The following SEC31A variants were observed in gnomAD, a reference collection of about 807,000 sequenced individuals.
SEC31A encodes the protein protein transport protein Sec31A.
SEC31A carries 70 observed loss-of-function variants against 151.0 expected under a neutral mutation model. The ratio of observed to expected loss-of-function variants is 0.46; its 90% CI spans 0.38 to 0.57. The LOEUF is 0.57. Ranked by LOEUF, SEC31A falls within the 20% of genes least tolerant of loss-of-function variation. SEC31A has a pLI of 0.00. For missense variants in SEC31A, 1,330 were observed against 1,471.2 expected, an observed-to-expected ratio of 0.90 and a Z score of 1.57; for synonymous variants, 475 against 505.9, an observed-to-expected ratio of 0.94 and a Z score of 0.82.
intron 22 of SEC31A, among the ~76,000 whole-genome samples, chr4:82,830,729 C>G (rs1476094721): frequency 3.3e-5 from 5 of 152,152 alleles, no homozygotes; most frequent in African/African-American, 1.2e-4. Context: ...AAACAGACAG[C>G]CTTTATAACC....
intron 8 of SEC31A, among the ~76,000 whole-genome samples, chr4:82,868,519 T>TAAAA (rs35531037): frequency 9.1e-6 from 1 of 109,464 alleles, no homozygotes; most frequent in African/African-American, 2.6e-5. Flanking sequence ...TTAATAGTAC[T>TAAAA]AAAAAAAATA....
At chr4:82,890,059 C>G (rs568249574) in intron 1 of SEC31A, among the ~76,000 whole-genome samples, 3 of 152,160 alleles carry the variant, frequency 2.0e-5, no homozygotes, top group Admixed American at 2.0e-4. Flanking sequence ...GAAACCCCGT[C>G]TCTACTAAAA....
intron 22 of SEC31A, among the ~76,000 whole-genome samples, chr4:82,838,852 G>A (rs937845266): frequency 1.8e-4 from 28 of 152,280 alleles, no homozygotes; most frequent in Non-Finnish European, 3.7e-4. Flanking sequence ...ACATAATTTT[G>A]TTGTTCACTA....
intron 22 of SEC31A, among the ~76,000 whole-genome samples, chr4:82,840,849 G>T (rs138050719): frequency 6.6e-6 from 1 of 152,158 alleles, no homozygotes; most frequent in Non-Finnish European, 1.5e-5. Flanking sequence ...CCTGTATAGG[G>T]CACTCACCAC....
rs527353770 is a variant in SEC31A at position 82,842,828 on chromosome 4, C to T, written c.2627-347G>A. ...CAGATGGAACCAGGGAGGAATTACA[C>T]ATTCAAAGCACCCCACTTCACAGAA... On this transcript the variant is annotated intron_variant, in intron 21 of 26. Coordinates refer to ENST00000395310, the MANE Select transcript of SEC31A (RefSeq NM_001077207.4). The T allele has an allele frequency of 8.7e-5, 17 of 195,232 alleles. No homozygotes were observed. In the South Asian group the frequency reaches 1.4e-3, roughly 17 times the overall value. The allele number at this position is 195,232 out of a possible 1,614,324, so 12.1% of individuals were successfully genotyped here. A position where few individuals can be genotyped will look rare whatever the true frequency, so the allele number is the denominator to read the frequency against.
At chr4:82,866,643 A>T (rs983600191) in intron 10 of SEC31A, among the ~76,000 whole-genome samples, 165 bp downstream of exon 10, 2 of 152,240 alleles carry the variant, frequency 1.3e-5, no homozygotes, top group African/African-American at 4.8e-5. Context: ...AAAAAAGAGT[A>T]GGTTCCAATT....
intron 3 of SEC31A, among the ~76,000 whole-genome samples, chr4:82,879,745 A>G (rs750189465): frequency 6.6e-6 from 1 of 152,214 alleles, no homozygotes; most frequent in Admixed American, 6.5e-5. Context: ...ATATTGAGGC[A>G]ATAAAGCTTA....
rs759539725 is a variant in SEC31A at position 82,819,241 on chromosome 4, T to C, written c.3496A>G (p.Ile1166Val). Residue 1166 changes from isoleucine to valine, a missense_variant, in exon 27 of 27, where the codon ATC (isoleucine) becomes GTC (valine). By Grantham distance (29) the Ile-to-Val change is conservative. Coordinates refer to ENST00000395310, the MANE Select transcript of SEC31A (RefSeq NM_001077207.4). ...GCAATGTTGTGTAAACCACTGGTGA[T>C]TGTTGGTGAAAGCTGAAACAAAAGT... The part of the protein sequence containing the change: ...KLREQTLSPT[I>V]TSGLHNIARS... 8 of 1,575,102 alleles carry C rather than the reference T, an allele frequency of 5.1e-6. No individual in the cohort carries two copies. The highest frequency in any genetic ancestry group is 6.0e-6 in the Non-Finnish European group (7 of 1,162,408).
At chr4:82,900,518 C>T (rs1009163259) in exon 1 of SEC31A, 3 of 482,542 alleles carry the variant, frequency 6.2e-6, no homozygotes, top group Non-Finnish European at 1.1e-5. Context: ...AAACCGGTTG[C>T]AGCAAAACCC....
At position 82,875,931 on chromosome 4, in the gene SEC31A, A is replaced by G. The variant is rs546004671; in HGVS notation, c.403-109T>C. On this transcript the variant is annotated intron_variant, in intron 4 of 26. Transcript: ENST00000395310. ...TAGATGTAGCATACACAATTTTTCT[A>G]TTTAATTTGAAAAGTGAAAAACATA... 1.8e-5 allele frequency: 9 copies of G among 510,892 alleles called. No homozygotes were observed. The Admixed American group carries it at 2.8e-4, about 16-fold the overall frequency. 31.6% of individuals were successfully genotyped at this position (510,892 alleles called of 1,614,324 possible).
intron 19 of SEC31A, among the ~76,000 whole-genome samples, chr4:82,849,431 G>A (rs558131402): frequency 9.2e-5 from 14 of 152,042 alleles, no homozygotes; most frequent in African/African-American, 1.4e-4. Flanking sequence ...TGGCTAACAC[G>A]GTGAAACCCC....
rs776519044 is a variant in SEC31A, at chr4:82,857,147, A to G, written c.1703-17T>C. 6.2e-7 allele frequency: 1 copy of G among 1,605,098 alleles called. No homozygotes were observed. ...CATCAATGTCTGCAACAAGAAAATA[A>G]TACATCCAAGTTAAATAGAGTTTTT... On this transcript the variant is annotated splice_polypyrimidine_tract_variant and intron_variant, in intron 15 of 26. Coordinates refer to ENST00000395310, the MANE Select transcript of SEC31A (RefSeq NM_001077207.4).
At chr4:82,838,660 C>T (rs1395205943) in intron 22 of SEC31A, among the ~76,000 whole-genome samples, 1 of 152,126 alleles carries the variant, frequency 6.6e-6, no homozygotes, top group Non-Finnish European at 1.5e-5. Flanking sequence ...TAAGGCTCTC[C>T]AAAATTTGGC....
At chr4:82,856,389 C>T (rs1215607384) in intron 16 of SEC31A, among the ~76,000 whole-genome samples, 3 of 150,530 alleles carry the variant, frequency 2.0e-5, no homozygotes, top group African/African-American at 4.9e-5. Context: ...GACCTCGTGA[C>T]CCCCCCACCT....
intron 22 of SEC31A, among the ~76,000 whole-genome samples, chr4:82,833,496 T>C (rs1350450897): frequency 6.8e-6 from 1 of 146,818 alleles, no homozygotes; most frequent in Non-Finnish European, 1.5e-5. Context: ...TGTATACCCA[T>C]GTAACAAAAC....
chr4:82,891,726 TATTA>T (rs34007750), upstream of SEC31A, among the ~76,000 whole-genome samples: 141,557 of 152,046 alleles, frequency 0.93, 66,749 homozygotes, highest in East Asian at 1. Flanking sequence ...TGGGGTGTTA[TATTA>T]ATTCCAATTA....
intron 17 of SEC31A, 39 bp from the exon 18 acceptor site, chr4:82,853,754 G>A (rs1731945231): frequency 4.5e-6 from 7 of 1,549,974 alleles, no homozygotes; most frequent in Non-Finnish European, 6.1e-6. Context: ...TTATACCCAA[G>A]GCAATCTGTA....
At chr4:82,829,282 T>A in intron 22 of SEC31A, 1 of 438,044 alleles carries the variant, frequency 2.3e-6, no homozygotes, top group Non-Finnish European at 4.1e-6. Context: ...ATCTTGACAC[T>A]GTTTCCATTT....
intron 18 of SEC31A, 44 bp from the exon 19 acceptor site, chr4:82,851,648 G>A: frequency 2.0e-6 from 3 of 1,494,336 alleles, no homozygotes; most frequent in Non-Finnish European, 2.8e-6. Flanking sequence ...TCAAGACCAT[G>A]TATGAGAGGA....
Sources: allele counts gnomAD v4.1 joint callset (sites outside exome capture counted in the v4.1 genomes callset), GRCh38; gene constraint gnomAD v4.1.1; transcripts MANE v1.5; gene names NCBI Gene and HGNC (gene_info 2026-07-23, HGNC 2026-07-21).